Variants in PIK3CD observed in about 807,000 individuals in gnomAD.
PIK3CD encodes the protein phosphatidylinositol 4,5-bisphosphate 3-kinase catalytic subunit delta isoform.
PIK3CD carries 20 observed loss-of-function variants against 122.9 expected under a neutral mutation model. The ratio of observed to expected loss-of-function variants is 0.16; its 90% CI spans 0.11 to 0.24. The LOEUF (loss-of-function observed/expected upper bound fraction) is 0.24. Ranked by LOEUF, PIK3CD falls within the 10% of genes least tolerant of loss-of-function variation. The pLI is 1.00. For synonymous variants in PIK3CD, 596 were observed against 593.4 expected, an observed-to-expected ratio of 1.00 and a Z score of -0.06; for missense variants, 787 against 1,406.3, an observed-to-expected ratio of 0.56 and a Z score of 7.04.
chr1:9,722,370 C>G lies in PIK3CD; in HGVS notation c.2347+14C>G. Reference sequence around the variant, plus strand: ...AGAACGGGGATGGTGAGGGCCTGGCCTCCCCACACCCCGCCTGTACTGCCC... The same window carrying G: ...AGAACGGGGATGGTGAGGGCCTGGCGTCCCCACACCCCGCCTGTACTGCCC... On this transcript the variant is annotated intron_variant, in intron 18 of 23. Coordinates refer to ENST00000377346, the MANE Select transcript of PIK3CD (RefSeq NM_005026.5). The surrounding 1 kb of genome is among the most constrained non-coding windows in gnomAD (Gnocchi z 7.6). 1.9e-6 allele frequency: 3 copies of G among 1,599,036 alleles called. No individual in the cohort carries two copies. Among genetic ancestry groups the G allele is most frequent in the Non-Finnish European group, 2.6e-6 (3 of 1,170,006 alleles).
At chr1:9,651,136 T>C (rs1347499917), upstream of PIK3CD, among the ~76,000 whole-genome samples, 1 of 152,204 alleles carries the variant, frequency 6.6e-6, no homozygotes, top group Non-Finnish European at 1.5e-5. Context: ...TGAGCCACAG[T>C]GCCAGGCCTG....
At chr1:9,654,473 A>G (rs775393679) in intron 1 of PIK3CD, 7 of 1,177,584 alleles carry the variant, frequency 5.9e-6, no homozygotes, top group Middle Eastern at 2.4e-4. Context: ...ACAGTCCACC[A>G]ATGGTTGTGC....
intron 1 of PIK3CD, among the ~76,000 whole-genome samples, chr1:9,668,641 T>C (rs1645234542): frequency 6.6e-6 from 1 of 152,092 alleles, no homozygotes; most frequent in Admixed American, 6.6e-5. Flanking sequence ...CTTCCCCTCA[T>C]TCTTATTATA....
chr1:9,653,984 T>A (rs1293201652), intron 1 of PIK3CD: 2 of 1,333,024 alleles, frequency 1.5e-6, no homozygotes, highest in Non-Finnish European at 2.0e-6. Context: ...GACGGGAGGA[T>A]CACTTGAAGC....
At chr1:9,650,674 TA>T (rs1644655291), upstream of PIK3CD, among the ~76,000 whole-genome samples, 1 of 151,352 alleles carries the variant, frequency 6.6e-6, no homozygotes. Flanking sequence ...AAAAAAGGAA[TA>T]GAGGCTTGGG....
Position 9,682,426 on chromosome 1 carries a change from C to T in PIK3CD, c.-137-9041C>T, listed in dbSNP as rs182129290. On this transcript the variant is annotated intron_variant, in intron 1 of 23. Transcript: ENST00000377346. ...TAATTTTTGGTATTTTTAGGAGAGA[C>T]GAAGTTTAACCATGTTGGCCAGGCT... 7.3e-5 allele frequency among the ~76,000 whole-genome samples: 11 copies of T among 151,252 alleles called. No individual in the cohort carries two copies. In the East Asian group the frequency reaches 1.6e-3, roughly 21 times the overall value.
intron 1 of PIK3CD, among the ~76,000 whole-genome samples, chr1:9,661,092 G>A (rs984001932): frequency 3.3e-5 from 5 of 151,862 alleles, no homozygotes; most frequent in African/African-American, 4.8e-5. Flanking sequence ...GCGCCACCAC[G>A]CCCAGATAAT....
At chr1:9,671,838 T>C (rs1645338033) in intron 1 of PIK3CD, among the ~76,000 whole-genome samples, 1 of 152,190 alleles carries the variant, frequency 6.6e-6, no homozygotes, top group Admixed American at 6.5e-5. Flanking sequence ...GGCCATTTTC[T>C]TCCTCTCCCA....
intron 1 of PIK3CD, among the ~76,000 whole-genome samples, chr1:9,668,473 ATTTT>A (rs553900169): frequency 8.0e-6 from 1 of 125,480 alleles, no homozygotes; most frequent in South Asian, 2.5e-4. Context: ...CAAATACTTT[ATTTT>A]TATTTTTATT....
At chr1:9,681,650 CCT>C (rs1645756864) in intron 1 of PIK3CD, among the ~76,000 whole-genome samples, 1 of 152,174 alleles carries the variant, frequency 6.6e-6, no homozygotes, top group African/African-American at 2.4e-5. Flanking sequence ...AATCTGCTCG[CCT>C]CCCCGCCTCG....
Position 9,710,371 on chromosome 1 carries a change from G to C in PIK3CD, c.-32-53G>C. The C allele has an allele frequency of 1.4e-6, 2 of 1,440,880 alleles. No homozygotes were observed. The highest frequency in any genetic ancestry group is 4.5e-5 in the East Asian group (2 of 44,042). The allele number at this position is 1,440,880 out of a possible 1,614,324, so 89.3% of individuals were successfully genotyped here. A position where few individuals can be genotyped will look rare whatever the true frequency, so the allele number is the denominator to read the frequency against. ...TGTTTTCCAGGGAGTCCCTTCCAAA[G>C]GTCTCACCCAGCTCAGCTGAGGTAA... On this transcript the variant is annotated intron_variant, in intron 2 of 23. Transcript: ENST00000377346. This position sits in a 1 kb window ranked among gnomAD's most constrained non-coding sequence, Gnocchi z 4.7.
intron 1 of PIK3CD, among the ~76,000 whole-genome samples, chr1:9,685,038 A>G (rs1428691446): frequency 1.3e-5 from 2 of 152,096 alleles, no homozygotes; most frequent in Non-Finnish European, 2.9e-5. Context: ...GAAGTGCCAG[A>G]TGCTAATTAA....
At chr1:9,645,025 CTT>C in the PIK3CD span, among the ~76,000 whole-genome samples, 3 of 81,800 alleles carry the variant, frequency 3.7e-5, no homozygotes, top group African/African-American at 5.6e-5. Context: ...CTTTTCTTTT[CTT>C]TTTTTTTTTT....
Position 9,723,347 on chromosome 1 carries a change from G to A in PIK3CD, c.2594+55G>A, listed in dbSNP as rs76096384. 45,488 of 1,572,966 alleles carry A rather than the reference G, an allele frequency of 0.029. 796 individuals carry two copies. Among genetic ancestry groups the A allele is most frequent in the Non-Finnish European group, 0.034 (38,878 of 1,143,178 alleles). On this transcript the variant is annotated intron_variant, in intron 20 of 23. Transcript: ENST00000377346. The surrounding 1 kb of genome is among the most constrained non-coding windows in gnomAD (Gnocchi z 4.9). ...TCTCCTTTCCAAGAGGTGTGGAGTGGGAGGGCCTCGCCTGTCAGAACAAAG... is the reference window on the plus strand; with the variant it reads ...TCTCCTTTCCAAGAGGTGTGGAGTGAGAGGGCCTCGCCTGTCAGAACAAAG...
At position 9,704,980 on chromosome 1, in the gene PIK3CD, G is replaced by A. The variant is rs775226310; in HGVS notation, c.-32-5444G>A. ...TCAGGGCAGCTGGGGTCCAGCTGAC[G>A]GTGAGGCCTGGGCCCAGCCGGCGCT... On this transcript the variant is annotated intron_variant, in intron 2 of 23. Coordinates refer to ENST00000377346, the MANE Select transcript of PIK3CD (RefSeq NM_005026.5). The surrounding 1 kb of genome is among the most constrained non-coding windows in gnomAD (Gnocchi z 5.0). Among the ~76,000 whole-genome samples, 12 of 152,200 alleles carry A rather than the reference G, an allele frequency of 7.9e-5. No individual in the cohort carries two copies. The highest frequency in any genetic ancestry group is 8.8e-5 in the Non-Finnish European group (6 of 68,040).
chr1:9,711,861 T>C (rs562531378), intron 3 of PIK3CD, among the ~76,000 whole-genome samples: 1 of 152,290 alleles, frequency 6.6e-6, no homozygotes, highest in African/African-American at 2.4e-5. Flanking sequence ...TACAGGTCTT[T>C]TGTCTTTAAA....
chr1:9,684,217 GT>G (rs1481419082), intron 1 of PIK3CD, among the ~76,000 whole-genome samples: 1 of 152,090 alleles, frequency 6.6e-6, no homozygotes, highest in Non-Finnish European at 1.5e-5. Context: ...CGAGCCACAC[GT>G]GCTTTTTGGC....
At chr1:9,655,589 G>A (rs1644828913) in intron 1 of PIK3CD, among the ~76,000 whole-genome samples, 2 of 151,474 alleles carry the variant, frequency 1.3e-5, no homozygotes, top group African/African-American at 4.9e-5. Context: ...GGCTGGATAT[G>A]CGTGAAACTC....
Position 9,715,838 on chromosome 1 carries a change from C to G in PIK3CD, c.371-11C>G, listed in dbSNP as rs1328556906. 1 of 1,611,350 alleles carries G rather than the reference C, an allele frequency of 6.2e-7. No individual in the cohort carries two copies. The highest frequency in any genetic ancestry group is 8.5e-7 in the Non-Finnish European group (1 of 1,178,928). ...GCCCCACCCGCTGACCCAGCCCTCC[C>G]CACCCCGCAGGCCTCCACGAGTTTG... is the stretch of plus-strand genomic sequence containing the variant. On this transcript the variant is annotated splice_polypyrimidine_tract_variant and intron_variant, in intron 4 of 23. Transcript: ENST00000377346. The surrounding 1 kb of genome is among the most constrained non-coding windows in gnomAD (Gnocchi z 4.1).
Sources: allele counts gnomAD v4.1 joint callset (sites outside exome capture counted in the v4.1 genomes callset), GRCh38; gene constraint gnomAD v4.1.1; non-coding constraint Gnocchi (gnomAD v3.1); transcripts MANE v1.5; gene names NCBI Gene and HGNC (gene_info 2026-07-23, HGNC 2026-07-21).